Variants in ANO3 observed in about 807,000 individuals in gnomAD.
ANO3 encodes anoctamin-3.
In ANO3, 99 loss-of-function variants were observed where a neutral mutation model predicts 144.8. The observed-to-expected ratio is 0.68, with a 90% CI of 0.58 to 0.81. The LOEUF (loss-of-function observed/expected upper bound fraction) is 0.81, where lower values mean the gene tolerates loss of function less well. ANO3 is among the 30% of genes least tolerant of loss of function. ANO3 has a pLI of 0.00. For missense variants in ANO3, 905 were observed against 1,202.2 expected (o/e 0.75, Z 3.66); for synonymous variants, 414 against 392.6 (o/e 1.05, Z -0.64).
At chr11:26,360,433 T>C (rs2133923983) in intron 1 of ANO3, among the ~76,000 whole-genome samples, 1 of 152,176 alleles carries the variant, frequency 6.6e-6, no homozygotes, top group African/African-American at 2.4e-5. Flanking sequence ...AAGTAGAAAA[T>C]ACAAAGGGGT....
At chr11:26,486,089 C>A (rs554982600) in intron 4 of ANO3, among the ~76,000 whole-genome samples, 1 of 151,930 alleles carries the variant, frequency 6.6e-6, no homozygotes, top group African/African-American at 2.4e-5. Context: ...CACAGCCAGG[C>A]GCGATGGCTC....
rs559419306 is a variant in ANO3, at chr11:26,442,021, G to A, written c.150G>A (p.Leu50=). The A allele has an allele frequency of 6.2e-7, 1 of 1,614,140 alleles. No individual in the cohort carries two copies. Among genetic ancestry groups the A allele is most frequent in the Non-Finnish European group, 8.5e-7 (1 of 1,180,028 alleles). Residue 50 remains leucine, a synonymous_variant, in exon 2 of 27, where the codon TTG becomes TTA. Coordinates refer to ENST00000256737, the MANE Select transcript of ANO3 (RefSeq NM_031418.4). ...AGAGCTACGCTTACTCAAAGAGCTT[G>A]AGCCAGTCTACTTCCCTCTTCCAGT... ...LAQSYAYSKS[L]SQSTSLFQST... is the part of the protein sequence containing the mutation.
intron 1 of ANO3, among the ~76,000 whole-genome samples, chr11:26,190,579 A>C (rs1041614248): frequency 6.6e-6 from 1 of 152,158 alleles, no homozygotes; most frequent in African/African-American, 2.4e-5. Context: ...TTAAATATTC[A>C]TGTCTTTTTC....
chr11:26,208,075 T>C (rs1393733485), intron 1 of ANO3: 1 of 152,172 alleles, frequency 6.6e-6, no homozygotes. Context: ...CCTCACATGA[T>C]GGAAGAAGTG....
intron 8 of ANO3, among the ~76,000 whole-genome samples, chr11:26,534,174 A>G (rs1416464295): frequency 6.6e-6 from 1 of 152,238 alleles, no homozygotes; most frequent in Non-Finnish European, 1.5e-5. Context: ...TGCTTAAGGT[A>G]GTATAAAATG....
chr11:26,425,111 T>TA (rs1857882608), intron 1 of ANO3, among the ~76,000 whole-genome samples: 3 of 152,076 alleles, frequency 2.0e-5, no homozygotes, highest in Admixed American at 2.0e-4. Flanking sequence ...ATAATAGAGT[T>TA]ACAGAAAGCT....
At chr11:26,444,529 A>G (rs1858636988) in intron 3 of ANO3, among the ~76,000 whole-genome samples, 1 of 152,196 alleles carries the variant, frequency 6.6e-6, no homozygotes, top group Admixed American at 6.5e-5. Flanking sequence ...GTGCCTACAT[A>G]AGGAGTTCTC....
chr11:26,609,832 G>A (rs1418741387), intron 17 of ANO3, among the ~76,000 whole-genome samples: 1 of 152,086 alleles, frequency 6.6e-6, no homozygotes, highest in African/African-American at 2.4e-5. Flanking sequence ...TTCCACAGTG[G>A]CTATACTAAT....
At chr11:26,535,555 T>A (rs1283197044) in intron 9 of ANO3, among the ~76,000 whole-genome samples, 3 of 149,994 alleles carry the variant, frequency 2.0e-5, no homozygotes, top group Non-Finnish European at 4.4e-5. Context: ...AAATACACTA[T>A]GTTTCAAGAC....
Position 26,634,304 on chromosome 11 carries a change from C to T in ANO3, c.1974C>T (p.Phe658=), listed in dbSNP as rs1173958537. 6.2e-7 allele frequency: 1 copy of T among 1,610,228 alleles called. No individual in the cohort carries two copies. The highest frequency in any genetic ancestry group is 8.5e-7 in the Non-Finnish European group (1 of 1,176,884). ...NLNSSIFYIA[F]FLGRFVGHPG... ...ACAGTTCCATCTTCTATATCGCTTT[C>T]TTTTTGGGAAGGTAAGTCAACTTTT... is the stretch of plus-strand genomic sequence containing the variant. The change falls in exon 19 of 27, where the codon TTC becomes TTT. Residue 658 remains phenylalanine (F), a synonymous_variant. Coordinates refer to ENST00000256737, the MANE Select transcript of ANO3 (RefSeq NM_031418.4).
intron 17 of ANO3, among the ~76,000 whole-genome samples, chr11:26,611,430 CTTGT>C (rs1852094979): frequency 6.6e-6 from 1 of 151,986 alleles, no homozygotes; most frequent in African/African-American, 2.4e-5. Context: ...TTAACTTTTT[CTTGT>C]TTATTTCTAG....
intron 17 of ANO3, among the ~76,000 whole-genome samples, chr11:26,603,019 A>G (rs1851842838): frequency 2.0e-5 from 3 of 152,250 alleles, no homozygotes; most frequent in African/African-American, 7.2e-5. Flanking sequence ...TTACAAACTA[A>G]CAAAGCAGTC....
intron 14 of ANO3, among the ~76,000 whole-genome samples, chr11:26,579,776 T>C (rs1379969640): frequency 1.3e-5 from 2 of 152,160 alleles, no homozygotes; most frequent in Non-Finnish European, 2.9e-5. Flanking sequence ...TCCCCTCTTT[T>C]AAATATAAGT....
intron 1 of ANO3, among the ~76,000 whole-genome samples, chr11:26,362,729 T>C (rs910898846): frequency 6.6e-6 from 1 of 152,210 alleles, no homozygotes; most frequent in African/African-American, 2.4e-5. Context: ...AAACAAATAT[T>C]ATGTTTTTAT....
chr11:26,481,681 G>T (rs1428877727), intron 4 of ANO3, among the ~76,000 whole-genome samples: 1 of 152,044 alleles, frequency 6.6e-6, no homozygotes, highest in Non-Finnish European at 1.5e-5. Context: ...GGAAGGTGAA[G>T]AATGAAATAA....
At chr11:26,254,675 G>A (rs1853015236) in intron 1 of ANO3, among the ~76,000 whole-genome samples, 1 of 152,054 alleles carries the variant, frequency 6.6e-6, no homozygotes, top group Non-Finnish European at 1.5e-5. Flanking sequence ...ATATGTTTTA[G>A]CACAGAATAA....
chr11:26,541,761 C>T (rs955726355), intron 10 of ANO3, among the ~76,000 whole-genome samples, 186 bp from the exon 11 acceptor site: 5 of 152,078 alleles, frequency 3.3e-5, no homozygotes, highest in Admixed American at 6.6e-5. Context: ...TAATAACTAT[C>T]GGACTATTTT....
intron 26 of ANO3, among the ~76,000 whole-genome samples, chr11:26,657,058 C>A (rs1853711947): frequency 2.0e-5 from 3 of 152,084 alleles, no homozygotes; most frequent in African/African-American, 7.2e-5. Context: ...ACAATTATTT[C>A]AATACAGTGA....
At chr11:26,483,239 T>C (rs1026415400) in intron 4 of ANO3, among the ~76,000 whole-genome samples, 2 of 152,318 alleles carry the variant, frequency 1.3e-5, no homozygotes, top group Admixed American at 1.3e-4. Context: ...CTGTTATTTT[T>C]GGACATCTAA....
Sources: gnomAD v4.1 joint callset for allele counts (sites outside exome capture counted in the v4.1 genomes callset) on GRCh38, gnomAD v4.1.1 for gene constraint, MANE v1.5 for transcripts, NCBI Gene and HGNC (gene_info 2026-07-23, HGNC 2026-07-21) for gene names.